KCNAB3: variants seen among roughly 807,000 people sequenced by gnomAD.
The protein encoded by KCNAB3 is voltage-gated potassium channel subunit beta-3.
Under a neutral mutation model 67.7 loss-of-function variants are expected in KCNAB3, and 62 were observed. The observed-to-expected ratio is 0.92, with a 90% CI of 0.75 to 1.13. The LOEUF is 1.13. KCNAB3 is among the 50% of genes most tolerant of loss of function. The pLI is 0.00. For synonymous variants in KCNAB3, 212 were observed against 205.4 expected, an observed-to-expected ratio of 1.03 and a Z score of -0.27; for missense variants, 514 against 522.9, an observed-to-expected ratio of 0.98 and a Z score of 0.17.
rs1327167345 is a variant in KCNAB3 at position 7,922,434 on chromosome 17, A to C, written c.*668T>G. Reference sequence around the variant, plus strand: ...AGAACAGCCCAACTGTTTTCCAAGGACCACCCCGGCCACTTTCACCAGACT... The same window carrying C: ...AGAACAGCCCAACTGTTTTCCAAGGCCCACCCCGGCCACTTTCACCAGACT... On this transcript the variant is annotated 3_prime_UTR_variant, in exon 14 of 14. Transcript: ENST00000303790. The C allele has an allele frequency of 6.6e-6, 1 of 152,162 alleles. No homozygotes were observed. Among genetic ancestry groups the C allele is most frequent in the Non-Finnish European group, 1.5e-5 (1 of 68,056 alleles). 9.4% of individuals were successfully genotyped at this position (152,162 alleles called of 1,614,324 possible).
At position 7,927,817 on chromosome 17, in the gene KCNAB3, C is replaced by T; in HGVS notation, c.252G>A (p.Gly84=). 1 of 1,614,138 alleles carries T rather than the reference C, an allele frequency of 6.2e-7. No homozygotes were observed. The highest frequency in any genetic ancestry group is 8.5e-7 in the Non-Finnish European group (1 of 1,180,022). The change falls in exon 2 of 14, where the codon GGG becomes GGA. Residue 84 remains glycine, a synonymous_variant. Transcript: ENST00000303790. ...GACAGGATACCCGAAGACCAGACTTCCCTAGGTTCCTGCAAGATACAGAAG... is the reference window on the plus strand; with the variant it reads ...GACAGGATACCCGAAGACCAGACTTTCCTAGGTTCCTGCAAGATACAGAAG... ...RGTGMKYRNL[G]KSGLRVSCLG... is the part of the protein sequence containing the mutation.
Position 7,923,806 on chromosome 17 carries a change from A to C in KCNAB3, c.953T>G (p.Val318Gly), listed in dbSNP as rs1479915299. The C allele has an allele frequency of 5.1e-6, 8 of 1,580,146 alleles. No homozygotes were observed. In the East Asian group the frequency reaches 1.8e-4, roughly 36 times the overall value. ...IKGYQWLKDK[V>G]QSEDGKKQQA... Reference sequence around the variant, plus strand: ...TTGCTTCTTGCCATCTTCACTCTGCACTTTGTCCTTGAGCCACTGGTAGCC... The same window carrying C: ...TTGCTTCTTGCCATCTTCACTCTGCCCTTTGTCCTTGAGCCACTGGTAGCC... The change falls in exon 12 of 14, where the codon GTG becomes GGG. Residue 318 changes from valine (V) to glycine (G), a missense_variant. By Grantham distance (109) the Val-to-Gly change is moderately radical. Transcript: ENST00000303790.
intron 11 of KCNAB3, 31 bp from the exon 12 acceptor site, chr17:7,923,862 C>CCGCCAT: frequency 6.4e-7 from 1 of 1,561,894 alleles, no homozygotes; most frequent in Non-Finnish European, 8.7e-7. Context: ...ACAGAAGACC[C>CCGCCAT]CGCCATCACC....
rs956701360 is a variant in KCNAB3, at chr17:7,929,339, C to A, written c.97G>T (p.Gly33Cys). The change falls in exon 1 of 14, where the codon GGT becomes TGT. Residue 33 changes from glycine (G) to cysteine (C), a missense_variant. By Grantham distance (159) the Gly-to-Cys change is radical. Transcript: ENST00000303790. This position sits in a 1 kb window ranked among gnomAD's most constrained non-coding sequence, Gnocchi z 5.7. ...CCGTGCCCCCCGCCGGCCGGCCCAC[C>A]ATTACCGCCCCCGGGGCCCGGCCGG... The part of the protein sequence containing the change: ...GPRPGPGGGN[G>C]GPAGGGHGNP... 6.5e-7 allele frequency: 1 copy of A among 1,550,080 alleles called. No homozygotes were observed. Among genetic ancestry groups the A allele is most frequent in the African/African-American group, 1.4e-5 (1 of 73,022 alleles).
In KCNAB3 at chr17:7,923,450, G is replaced by A; in HGVS notation, c.1137+6C>T. On this transcript the variant is annotated splice_donor_region_variant and intron_variant, in intron 13 of 13. Transcript: ENST00000303790. ...GATAGGCTCTGCCTCTGAGTCCCCG[G>A]CTCACCTGTAGCGCGCCCAGGTGTT... 3 of 1,606,072 alleles carry A rather than the reference G, an allele frequency of 1.9e-6. No homozygotes were observed. The highest frequency in any genetic ancestry group is 2.6e-6 in the Non-Finnish European group (3 of 1,176,432).
intron 13 of KCNAB3, 41 bp downstream of exon 13, chr17:7,923,415 G>A (rs781671037): frequency 1.3e-6 from 2 of 1,572,976 alleles, no homozygotes; most frequent in South Asian, 2.3e-5. Flanking sequence ...GACTCCTGGG[G>A]AGGGGGACAG....
chr17:7,929,032 A>C lies in KCNAB3; in HGVS notation c.242+162T>G. On this transcript the variant is annotated intron_variant, in intron 1 of 13. Coordinates refer to ENST00000303790, the MANE Select transcript of KCNAB3 (RefSeq NM_004732.4). This position sits in a 1 kb window ranked among gnomAD's most constrained non-coding sequence, Gnocchi z 5.7. The stretch of plus-strand genomic sequence containing the variant: ...GTAGTCAGGGGTATCGACAGAAACC[A>C]AGAGAGGGACAAAGTGAGGGAGTGC... 1 of 1,174,738 alleles carries C rather than the reference A, an allele frequency of 8.5e-7. No homozygotes were observed. The allele number at this position is 1,174,738 out of a possible 1,614,324, so 72.8% of individuals were successfully genotyped here.
At chr17:7,927,219 G>A (rs1158530290) in intron 4 of KCNAB3, 125 bp downstream of exon 4, 18 of 906,600 alleles carry the variant, frequency 2.0e-5, no homozygotes, top group African/African-American at 4.9e-5. Flanking sequence ...GGGTCCCTCC[G>A]CCAAAAGGTT....
chr17:7,929,457 A>G lies in KCNAB3; in HGVS notation c.-22T>C, dbSNP rs1025922823. 14 of 1,288,034 alleles carry G rather than the reference A, an allele frequency of 1.1e-5. No homozygotes were observed. The highest frequency in any genetic ancestry group is 6.9e-5 in the Admixed American group (3 of 43,388). The allele number at this position is 1,288,034 out of a possible 1,614,324, so 79.8% of individuals were successfully genotyped here. A position where few individuals can be genotyped will look rare whatever the true frequency, so the allele number is the denominator to read the frequency against. The stretch of plus-strand genomic sequence containing the variant: ...GCATGCTGGCTGGCCGAGGCGGGGG[A>G]GGGGGCTCCGAGGGGACGGGAGGGG... On this transcript the variant is annotated 5_prime_UTR_variant, in exon 1 of 14. Coordinates refer to ENST00000303790, the MANE Select transcript of KCNAB3 (RefSeq NM_004732.4). This position sits in a 1 kb window ranked among gnomAD's most constrained non-coding sequence, Gnocchi z 5.7.
At chr17:7,924,561 T>G (rs1972163617) in intron 8 of KCNAB3, 61 bp from the exon 9 acceptor site, 14 of 1,533,800 alleles carry the variant, frequency 9.1e-6, no homozygotes, top group Non-Finnish European at 1.1e-5. Context: ...GACTCCAGAT[T>G]TGCAGACCTC....
Position 7,923,459 on chromosome 17 carries a change from T to C in KCNAB3, c.1134A>G (p.Leu378=). 6.2e-7 allele frequency: 1 copy of C among 1,609,062 alleles called. No homozygotes were observed. Among genetic ancestry groups the C allele is most frequent in the Non-Finnish European group, 8.5e-7 (1 of 1,177,754 alleles). The change falls in exon 13 of 14, where the codon CTA becomes CTG. Residue 378 remains leucine (L), a synonymous_variant. Transcript: ENST00000303790. ...AEQLIEHLGA[L]QVLSQLTPQT... ...TGCCTCTGAGTCCCCGGCTCACCTG[T>C]AGCGCGCCCAGGTGTTCTATCAACT...
At chr17:7,926,946 G>A (rs1972251284) in intron 4 of KCNAB3, among the ~76,000 whole-genome samples, 1 of 152,166 alleles carries the variant, frequency 6.6e-6, no homozygotes, top group South Asian at 2.1e-4. Flanking sequence ...CAAAGTTCTT[G>A]AAGGAGCGGA....
chr17:7,924,632 T>C, intron 8 of KCNAB3, 132 bp from the exon 9 acceptor site: 2 of 1,410,500 alleles, frequency 1.4e-6, no homozygotes, highest in Middle Eastern at 1.8e-4. Context: ...TATCTACTCT[T>C]TGCCTCTCTT....
intron 11 of KCNAB3, 55 bp downstream of exon 11, chr17:7,923,913 C>T: frequency 6.4e-7 from 1 of 1,568,612 alleles, no homozygotes. Context: ...CCCGTAACTC[C>T]CCCCAAAGCA....
chr17:7,923,892 C>A lies in KCNAB3; in HGVS notation c.928-61G>T, dbSNP rs1972133961. On this transcript the variant is annotated intron_variant, in intron 11 of 13. Transcript: ENST00000303790. ...ATCACCACCACCACCACCACACTCA[C>A]AAAGCAGCCCCCCGTAACTCCCCCC... The A allele has an allele frequency of 2.6e-6, 4 of 1,562,238 alleles. No individual in the cohort carries two copies. The South Asian group carries it at 4.7e-5, about 18-fold the overall frequency.
At chr17:7,927,454 A>G (rs1196993150) in intron 3 of KCNAB3, 31 bp from the exon 4 acceptor site, 2 of 1,601,062 alleles carry the variant, frequency 1.2e-6, no homozygotes, top group Non-Finnish European at 1.7e-6. Flanking sequence ...AAGATCAACT[A>G]CTGCTCCTCA....
At chr17:7,927,540 C>T in intron 3 of KCNAB3, 117 bp from the exon 4 acceptor site, 3 of 1,517,124 alleles carry the variant, frequency 2.0e-6, no homozygotes, top group South Asian at 2.2e-5. Context: ...TCCCCATCCT[C>T]CAGCCTCAGA....
rs548962838 is a variant in KCNAB3 at position 7,923,096 on chromosome 17, G to A, written c.*6C>T. 2.0e-4 allele frequency: 316 copies of A among 1,613,992 alleles called. 4 individuals are homozygous for A. The South Asian group carries it at 3.4e-3, about 17-fold the overall frequency. Reference sequence around the variant, plus strand: ...CACCGGGTTGGGTCCCTGCGCCCGCGACAGACTACTTCTTGGAATGCGGCT... The same window carrying A: ...CACCGGGTTGGGTCCCTGCGCCCGCAACAGACTACTTCTTGGAATGCGGCT... On this transcript the variant is annotated 3_prime_UTR_variant, in exon 14 of 14. Coordinates refer to ENST00000303790, the MANE Select transcript of KCNAB3 (RefSeq NM_004732.4).
rs1255558941 is a variant in KCNAB3 at position 7,929,451 on chromosome 17, C to T, written c.-16G>A. ...ACACCTGCATGCTGGCTGGCCGAGG[C>T]GGGGGAGGGGGCTCCGAGGGGACGG... On this transcript the variant is annotated 5_prime_UTR_variant, in exon 1 of 14. Transcript: ENST00000303790. This position sits in a 1 kb window ranked among gnomAD's most constrained non-coding sequence, Gnocchi z 5.7. 28 of 1,271,070 alleles carry T rather than the reference C, an allele frequency of 2.2e-5. No homozygotes were observed. The highest frequency in any genetic ancestry group is 2.9e-5 in the Non-Finnish European group (27 of 917,364). 78.7% of individuals were successfully genotyped at this position (1,271,070 alleles called of 1,614,324 possible).
Sources: allele counts gnomAD v4.1 joint callset (sites outside exome capture counted in the v4.1 genomes callset), GRCh38; gene constraint gnomAD v4.1.1; non-coding constraint Gnocchi (gnomAD v3.1); transcripts MANE v1.5; gene names NCBI Gene and HGNC (gene_info 2026-07-23, HGNC 2026-07-21).